ZZZ3: variants seen among roughly 807,000 people sequenced by gnomAD.
The protein encoded by ZZZ3 is zinc finger ZZ-type containing 3.
ZZZ3 carries 22 observed loss-of-function variants against 95.2 expected under a neutral mutation model. The observed-to-expected ratio is 0.23, with a 90% CI of 0.17 to 0.33. The LOEUF (loss-of-function observed/expected upper bound fraction) is 0.33, where lower values mean the gene tolerates loss of function less well. Ranked by LOEUF, ZZZ3 falls within the 10% of genes least tolerant of loss-of-function variation. ZZZ3 has a pLI of 1.00. For synonymous variants in ZZZ3, 335 were observed against 358.9 expected, an observed-to-expected ratio of 0.93 and a Z score of 0.75; for missense variants, 885 against 1,066.5, an observed-to-expected ratio of 0.83 and a Z score of 2.37.
intron 5 of ZZZ3, among the ~76,000 whole-genome samples, chr1:77,629,029 T>G (rs1478713527): frequency 6.6e-6 from 1 of 152,192 alleles, no homozygotes; most frequent in Admixed American, 6.5e-5. Context: ...AACATCATTT[T>G]CAAACTGCCA....
chr1:77,616,731 T>A (rs1666352343), intron 5 of ZZZ3, among the ~76,000 whole-genome samples: 2 of 152,050 alleles, frequency 1.3e-5, no homozygotes, highest in Non-Finnish European at 2.9e-5. Flanking sequence ...CCGGGGGTGG[T>A]GGCACCCACC....
intron 1 of ZZZ3, among the ~76,000 whole-genome samples, chr1:77,664,475 C>T (rs1026577728): frequency 2.0e-5 from 3 of 152,168 alleles, no homozygotes; most frequent in Non-Finnish European, 4.4e-5. Context: ...ATAGGCTCCT[C>T]GAAGGAATAG....
chr1:77,590,776 T>A (rs1663611395), intron 5 of ZZZ3, among the ~76,000 whole-genome samples: 1 of 152,242 alleles, frequency 6.6e-6, no homozygotes, highest in Non-Finnish European at 1.5e-5. Context: ...TTTAAAGTTA[T>A]ACAGGGAAAT....
chr1:77,641,326 A>C (rs995921905), intron 3 of ZZZ3, 58 bp downstream of exon 3: 6 of 374,822 alleles, frequency 1.6e-5, no homozygotes, highest in Non-Finnish European at 2.8e-5. Context: ...ATTATCCACT[A>C]CGATATTTAG....
intron 9 of ZZZ3, 128 bp downstream of exon 9, chr1:77,580,869 AC>A (rs1278333936): frequency 4.0e-6 from 3 of 745,854 alleles, no homozygotes; most frequent in Non-Finnish European, 4.7e-6. Context: ...CAAGTGATCC[AC>A]CCATATCAGC....
intron 13 of ZZZ3, among the ~76,000 whole-genome samples, chr1:77,567,276 A>G (rs1225269992): frequency 2.6e-5 from 4 of 152,110 alleles, no homozygotes; most frequent in Admixed American, 6.6e-5. Flanking sequence ...CAAGTTCAGG[A>G]CACCCTCCTC....
At chr1:77,629,734 T>A (rs540447689) in intron 5 of ZZZ3, among the ~76,000 whole-genome samples, 19 of 152,192 alleles carry the variant, frequency 1.2e-4, no homozygotes, top group Non-Finnish European at 1.8e-4. Context: ...CAATGAGGCA[T>A]TAATTTGAAA....
intron 1 of ZZZ3, among the ~76,000 whole-genome samples, chr1:77,664,199 AT>A (rs1302553740): frequency 6.6e-6 from 1 of 152,058 alleles, no homozygotes; most frequent in African/African-American, 2.4e-5. Context: ...TCTCATTCCA[AT>A]TTACTCTTTA....
rs140343391 is a variant in ZZZ3 at position 77,607,446 on chromosome 1, T to C, written c.1506-22791A>G. Among the ~76,000 whole-genome samples the C allele has an allele frequency of 1.4e-4, 21 of 152,260 alleles. No individual in the cohort carries two copies. The East Asian group carries it at 3.5e-3, about 25-fold the overall frequency. ...TGAGGAAACTCAGAGAAATTCAAGA[T>C]ATCATTGAGAAAGAATTCAAAACTC... On this transcript the variant is annotated intron_variant, in intron 5 of 14. Coordinates refer to ENST00000370801, the MANE Select transcript of ZZZ3 (RefSeq NM_015534.6).
chr1:77,638,893 TAATGTTA>T (rs1412427503), intron 4 of ZZZ3, among the ~76,000 whole-genome samples: 1 of 152,224 alleles, frequency 6.6e-6, no homozygotes, highest in African/African-American at 2.4e-5. Context: ...ACCATATCTA[TAATGTTA>T]AAAGTAGAAG....
At position 77,576,772 on chromosome 1, in the gene ZZZ3, AAAAAC is replaced by A. The variant is rs1233458907; in HGVS notation, c.2179-557_2179-553del. ...ACACTCACACTAAAAAAAAAAACAA[AAAAAC>A]AACAAAAAAAAAATTTCTTGTAATG... On this transcript the variant is annotated intron_variant, in intron 11 of 14. Transcript: ENST00000370801. Among the ~76,000 whole-genome samples the A allele has an allele frequency of 5.8e-4, 18 of 31,120 alleles. No individual in the cohort carries two copies. The East Asian group carries it at 6.2e-3, about 11-fold the overall frequency. 20.4% of individuals were successfully genotyped at this position (31,120 alleles called of 152,430 possible).
intron 13 of ZZZ3, 66 bp from the exon 14 acceptor site, chr1:77,566,247 A>G: frequency 8.9e-7 from 1 of 1,121,980 alleles, no homozygotes; most frequent in Non-Finnish European, 1.3e-6. Flanking sequence ...TATTTTCCAC[A>G]AGGAAACACA....
At chr1:77,592,395 C>T (rs183060205) in intron 5 of ZZZ3, among the ~76,000 whole-genome samples, 205 of 152,300 alleles carry the variant, frequency 1.3e-3, no homozygotes, top group African/African-American at 4.8e-3. Flanking sequence ...CTCCGCCTCC[C>T]GGGTTCAAGT....
chr1:77,572,750 T>C (rs936412884), intron 12 of ZZZ3, among the ~76,000 whole-genome samples: 1 of 151,848 alleles, frequency 6.6e-6, no homozygotes, highest in African/African-American at 2.4e-5. Flanking sequence ...GATCCTCCCA[T>C]CTCAGCCTCT....
chr1:77,654,185 CAAAAA>C (rs749067016), intron 1 of ZZZ3, among the ~76,000 whole-genome samples: 4 of 66,342 alleles, frequency 6.0e-5, no homozygotes, highest in Non-Finnish European at 6.2e-5. Context: ...GACTCCATCT[CAAAAA>C]AAAAAAAAAA....
intron 5 of ZZZ3, among the ~76,000 whole-genome samples, chr1:77,594,671 G>A (rs879195476): frequency 1.3e-5 from 2 of 151,832 alleles, no homozygotes; most frequent in African/African-American, 4.8e-5. Context: ...GAACATACAA[G>A]CCTCAATTCT....
Position 77,639,385 on chromosome 1 carries a change from A to C in ZZZ3, c.-52+64T>G, listed in dbSNP as rs1668571422. 3 of 1,358,440 alleles carry C rather than the reference A, an allele frequency of 2.2e-6. No individual in the cohort carries two copies. The South Asian group carries it at 4.8e-5, about 22-fold the overall frequency. The allele number at this position is 1,358,440 out of a possible 1,614,324, so 84.1% of individuals were successfully genotyped here. A position where few individuals can be genotyped will look rare whatever the true frequency, so the allele number is the denominator to read the frequency against. The stretch of plus-strand genomic sequence containing the variant: ...AAAATAACAAGTCTCCCCATCTCAA[A>C]AAAAAAAAAGAAGAAGAAGTCAAAC... On this transcript the variant is annotated intron_variant, in intron 4 of 14. Coordinates refer to ENST00000370801, the MANE Select transcript of ZZZ3 (RefSeq NM_015534.6).
chr1:77,666,694 G>GA (rs1431856482), intron 1 of ZZZ3, among the ~76,000 whole-genome samples: 1 of 152,066 alleles, frequency 6.6e-6, no homozygotes, highest in African/African-American at 2.4e-5. Flanking sequence ...AACTGCAGCA[G>GA]AAAAAACATA....
chr1:77,662,663 G>A (rs1405728199), intron 1 of ZZZ3, among the ~76,000 whole-genome samples: 1 of 152,016 alleles, frequency 6.6e-6, no homozygotes, highest in Non-Finnish European at 1.5e-5. Flanking sequence ...TGGTGGCTCA[G>A]GCCTGTAATC....
Sources: allele counts gnomAD v4.1 joint callset (sites outside exome capture counted in the v4.1 genomes callset), GRCh38; gene constraint gnomAD v4.1.1; transcripts MANE v1.5; gene names NCBI Gene and HGNC (gene_info 2026-07-23, HGNC 2026-07-21).